LARGE1: variants seen among roughly 807,000 people sequenced by gnomAD.
LARGE1 encodes LARGE xylosyl- and glucuronyltransferase 1, also known as xylosyl- and glucuronyltransferase LARGE1.
LARGE1 carries 43 observed loss-of-function variants against 87.6 expected under a neutral mutation model. The observed-to-expected ratio is 0.49, with a 90% CI of 0.38 to 0.63. The LOEUF (loss-of-function observed/expected upper bound fraction) is 0.63. Ranked by LOEUF, LARGE1 falls within the 30% of genes least tolerant of loss-of-function variation. The pLI is 0.00. For missense variants in LARGE1, 802 were observed against 1,000.2 expected (o/e 0.80, Z 2.67); for synonymous variants, 434 against 394.6 (o/e 1.10, Z -1.18).
chr22:33,601,323 C>A (rs1180795532), intron 5 of LARGE1, among the ~76,000 whole-genome samples: 1 of 151,738 alleles, frequency 6.6e-6, no homozygotes. Context: ...GGTGGAGCCA[C>A]GCTAGGGTGT....
chr22:33,855,190 C>G (rs2063722187), intron 1 of LARGE1, among the ~76,000 whole-genome samples: 1 of 152,066 alleles, frequency 6.6e-6, no homozygotes, highest in African/African-American at 2.4e-5. Context: ...AAAAAATTAG[C>G]CGGGTGTGGT....
At chr22:33,303,566 G>A (rs1225060621) in intron 12 of LARGE1, among the ~76,000 whole-genome samples, 1 of 152,142 alleles carries the variant, frequency 6.6e-6, no homozygotes, top group Admixed American at 6.5e-5. Context: ...TCTTTCTTGG[G>A]TTATATGAAG....
chr22:33,917,351 T>C (rs1419901648), intron 1 of LARGE1, among the ~76,000 whole-genome samples: 1 of 152,200 alleles, frequency 6.6e-6, no homozygotes. Flanking sequence ...TTCAGGGAAG[T>C]AGAATTATCT....
intron 1 of LARGE1, among the ~76,000 whole-genome samples, chr22:33,786,590 TCTC>T (rs771026366): frequency 7.9e-5 from 12 of 152,126 alleles, no homozygotes; most frequent in Admixed American, 6.5e-5. Flanking sequence ...CTCCGAGAAT[TCTC>T]CTCCCTTCAG....
intron 2 of LARGE1, among the ~76,000 whole-genome samples, chr22:33,708,479 T>G: frequency 6.6e-6 from 1 of 152,140 alleles, no homozygotes; most frequent in East Asian, 1.9e-4. Context: ...ATTGTCCTCA[T>G]ACTATGTTGC....
chr22:33,656,655 T>TAC (rs954350304), intron 2 of LARGE1, among the ~76,000 whole-genome samples: 34 of 152,230 alleles, frequency 2.2e-4, no homozygotes, highest in African/African-American at 8.0e-4. Flanking sequence ...TCTTTAGATA[T>TAC]ACACAGTCTA....
At chr22:33,389,702 G>C (rs1000912164) in intron 7 of LARGE1, among the ~76,000 whole-genome samples, 1 of 152,068 alleles carries the variant, frequency 6.6e-6, no homozygotes, top group Non-Finnish European at 1.5e-5. Flanking sequence ...AAAATGAGCC[G>C]GGCATGGTGG....
intron 2 of LARGE1, among the ~76,000 whole-genome samples, chr22:33,734,055 A>G (rs2083565081): frequency 6.6e-6 from 1 of 152,200 alleles, no homozygotes; most frequent in South Asian, 2.1e-4. Flanking sequence ...CCAAGCTTCT[A>G]GTAACCTCAG....
intron 11 of LARGE1, among the ~76,000 whole-genome samples, chr22:33,238,577 T>C (rs891847883): frequency 6.6e-6 from 1 of 152,138 alleles, no homozygotes; most frequent in African/African-American, 2.4e-5. Context: ...GTGAAATTAT[T>C]GAAAAAATTG....
chr22:33,247,047 ATGTGTG>A (rs10532057), intron 11 of LARGE1, among the ~76,000 whole-genome samples: 7,802 of 145,518 alleles, frequency 0.054, 466 homozygotes, highest in African/African-American at 0.15. Context: ...TGCAGCCAGT[ATGTGTG>A]TGTGTGTGTG....
chr22:33,611,399 A>G (rs1482798527), intron 4 of LARGE1, among the ~76,000 whole-genome samples: 2 of 152,246 alleles, frequency 1.3e-5, no homozygotes, highest in Non-Finnish European at 2.9e-5. Flanking sequence ...ACATGGAGTC[A>G]AGAATTATTT....
chr22:33,579,888 G>A (rs1431624830), intron 5 of LARGE1, among the ~76,000 whole-genome samples: 2 of 152,168 alleles, frequency 1.3e-5, no homozygotes, highest in African/African-American at 2.4e-5. Context: ...GCACAGCTCT[G>A]TAACTTTATT....
At chr22:33,549,804 T>C (rs1282225873) in intron 6 of LARGE1, among the ~76,000 whole-genome samples, 1 of 152,198 alleles carries the variant, frequency 6.6e-6, no homozygotes, top group Non-Finnish European at 1.5e-5. Context: ...GTTCTCATTG[T>C]TTAGTTCCCA....
chr22:33,592,520 T>C (rs757138574), intron 5 of LARGE1, among the ~76,000 whole-genome samples: 22 of 152,300 alleles, frequency 1.4e-4, no homozygotes, highest in Middle Eastern at 3.4e-3. Flanking sequence ...AAATCCACTA[T>C]ATTTAACAGC....
upstream of LARGE1, among the ~76,000 whole-genome samples, chr22:33,921,645 A>G (rs2065952893): frequency 6.6e-6 from 1 of 152,068 alleles, no homozygotes; most frequent in Non-Finnish European, 1.5e-5. The surrounding 1 kb of genome is among the most constrained non-coding windows in gnomAD (Gnocchi z 4.1). Context: ...TGAGGAAACT[A>G]CATTTCTTTT....
At position 33,241,614 on chromosome 22, in the gene LARGE1, CTATGTACATATATGTATA is replaced by C. The variant is rs1447095581; in HGVS notation, c.1730+62597_1730+62614del. ...TGTATATATGTACATATATATGTATCTATGTACATATATGTATATATGTATATATATGTGTGTGTATAT... is the reference window on the plus strand; with the variant it reads ...TGTATATATGTACATATATATGTATCTATGTATATATATGTGTGTGTATAT... On this transcript the variant is annotated intron_variant, in intron 11 of 11. Coordinates refer to the LARGE1 transcript ENST00000608642. Among the ~76,000 whole-genome samples the C allele has an allele frequency of 3.3e-4, 50 of 151,026 alleles. No homozygotes were observed. In the South Asian group the frequency reaches 9.5e-3, roughly 29 times the overall value.
intron 10 of LARGE1, among the ~76,000 whole-genome samples, chr22:33,332,353 G>A (rs73401434): frequency 0.012 from 1,763 of 152,208 alleles, 37 homozygotes; most frequent in African/African-American, 0.039. Context: ...TGTGTAAGAC[G>A]TCCCTTGCTC....
the LARGE1 span, chr22:33,109,342 T>C: frequency 6.6e-6 from 1 of 151,698 alleles, no homozygotes; most frequent in Non-Finnish European, 1.5e-5. Context: ...ACAGACAGGA[T>C]CTGGCTCTGT....
chr22:33,516,630 T>A (rs1359084602), intron 6 of LARGE1, among the ~76,000 whole-genome samples: 2 of 146,434 alleles, frequency 1.4e-5, no homozygotes, highest in Non-Finnish European at 3.0e-5. Flanking sequence ...CCTTCTGCCA[T>A]CAGGCTGGAG....
Sources: gnomAD v4.1 joint callset for allele counts (sites outside exome capture counted in the v4.1 genomes callset) on GRCh38, gnomAD v4.1.1 for gene constraint, Gnocchi (gnomAD v3.1) non-coding constraint, MANE v1.5 for transcripts, NCBI Gene and HGNC (gene_info 2026-07-23, HGNC 2026-07-21) for gene names.